EDIL3: variants seen among roughly 807,000 people sequenced by gnomAD.
EDIL3 encodes the protein EGF like and discoidin domains 3.
Under a neutral mutation model 67.4 loss-of-function variants are expected in EDIL3, and 37 were observed. That is an observed-to-expected ratio of 0.55 (90% CI 0.42 to 0.72). The LOEUF is 0.72. Among genes scored for constraint, EDIL3 ranks in the 30% least tolerant of loss-of-function variants. EDIL3 has a pLI of 0.00. For synonymous variants in EDIL3, 195 were observed against 196.3 expected, an observed-to-expected ratio of 0.99 and a Z score of 0.05; for missense variants, 527 against 586.3, an observed-to-expected ratio of 0.90 and a Z score of 1.04.
rs200637689 is a variant in EDIL3 at position 84,137,319 on chromosome 5, C to T, written c.391G>A (p.Gly131Ser). 82 of 1,613,058 alleles carry T rather than the reference C, an allele frequency of 5.1e-5. No homozygotes were observed. The highest frequency in any genetic ancestry group is 8.5e-6 in the Non-Finnish European group (10 of 1,179,724). Residue 131 changes from glycine to serine, a missense_variant, in exon 5 of 11, where the codon GGT becomes AGT. Physicochemically the swap from Gly to Ser is moderately conservative, Grantham distance 56 (BLOSUM62 0). Coordinates refer to ENST00000296591, the MANE Select transcript of EDIL3 (RefSeq NM_005711.5). Reference protein sequence around the residue: ...NECEVEPCKNGGICTDLVANY... With the variant: ...NECEVEPCKNSGICTDLVANY... ...GCAACAAGATCTGTACATATTCCACCATTTTTGCAAGGCTCAACTTCGCAT... is the reference window on the plus strand; with the variant it reads ...GCAACAAGATCTGTACATATTCCACTATTTTTGCAAGGCTCAACTTCGCAT...
intron 3 of EDIL3, among the ~76,000 whole-genome samples, chr5:84,187,313 G>C (rs1743481675): frequency 6.6e-6 from 1 of 151,998 alleles, no homozygotes; most frequent in Admixed American, 6.6e-5. Context: ...TCCAATAGTA[G>C]AGTTAGAGTT....
chr5:84,238,248 CT>C (rs1199298389), intron 2 of EDIL3, among the ~76,000 whole-genome samples: 1 of 151,982 alleles, frequency 6.6e-6, no homozygotes, highest in Non-Finnish European at 1.5e-5. Context: ...TCTGTGAGGT[CT>C]TTTAGTAAAA....
intron 2 of EDIL3, among the ~76,000 whole-genome samples, chr5:84,245,940 T>G (rs1375609450): frequency 2.0e-5 from 3 of 151,874 alleles, no homozygotes; most frequent in Non-Finnish European, 4.4e-5. Context: ...AAAATCTAAG[T>G]TTTTCCTTAA....
chr5:84,181,283 G>A (rs1749007823), intron 3 of EDIL3: 1 of 152,216 alleles, frequency 6.6e-6, no homozygotes, highest in East Asian at 1.9e-4. Context: ...CAGCTGCCAG[G>A]AGTGTGGTTA....
At chr5:84,098,864 G>A (rs1747312386) in intron 6 of EDIL3, among the ~76,000 whole-genome samples, 1 of 152,076 alleles carries the variant, frequency 6.6e-6, no homozygotes, top group Non-Finnish European at 1.5e-5. Flanking sequence ...GGAACCAAGA[G>A]CAAACCATTC....
chr5:84,161,772 A>G (rs894700364), intron 4 of EDIL3, among the ~76,000 whole-genome samples: 2 of 152,124 alleles, frequency 1.3e-5, no homozygotes, highest in Admixed American at 1.3e-4. Flanking sequence ...CTCACCTAAA[A>G]TTCACAGTCT....
intron 4 of EDIL3, among the ~76,000 whole-genome samples, chr5:84,158,260 G>A (rs1748529759): frequency 6.6e-6 from 1 of 151,948 alleles, no homozygotes; most frequent in South Asian, 2.1e-4. Context: ...GTAACCTTAA[G>A]GGTCTTACCA....
At chr5:84,339,929 T>C (rs1201777188) in intron 1 of EDIL3, among the ~76,000 whole-genome samples, 2 of 152,062 alleles carry the variant, frequency 1.3e-5, no homozygotes, top group Non-Finnish European at 2.9e-5. Flanking sequence ...ATAATCACAA[T>C]ATCTGTAAGT....
At chr5:84,150,761 AT>A (rs1261250049) in intron 4 of EDIL3, among the ~76,000 whole-genome samples, 2 of 152,180 alleles carry the variant, frequency 1.3e-5, no homozygotes, top group Non-Finnish European at 2.9e-5. Context: ...TGATTCAGCC[AT>A]TCTACTCCTA....
intron 6 of EDIL3, among the ~76,000 whole-genome samples, chr5:84,078,450 A>G (rs12658576): frequency 0.012 from 1,779 of 152,310 alleles, 58 homozygotes; most frequent in East Asian, 0.094. Context: ...GTAAATTTAA[A>G]AACACACCTT....
chr5:84,151,264 TACACACACACAC>T (rs201338208), intron 4 of EDIL3, among the ~76,000 whole-genome samples: 4 of 129,502 alleles, frequency 3.1e-5, no homozygotes, highest in South Asian at 2.5e-4. Flanking sequence ...CACACGCACA[TACACACACACAC>T]ACACACACAC....
intron 4 of EDIL3, among the ~76,000 whole-genome samples, chr5:84,142,224 C>A (rs927618490): frequency 6.6e-6 from 1 of 151,804 alleles, no homozygotes; most frequent in Non-Finnish European, 1.5e-5. Context: ...CAAAACAATG[C>A]ATTGTCTGGG....
intron 9 of EDIL3, among the ~76,000 whole-genome samples, chr5:83,980,617 G>A (rs992623648): frequency 2.7e-5 from 4 of 150,544 alleles, no homozygotes; most frequent in Non-Finnish European, 5.9e-5. Flanking sequence ...GAACCTGGGA[G>A]GCGGAGGTTA....
Position 84,384,459 on chromosome 5 carries a change from C to T in EDIL3, c.-85G>A. ...CCGAGGTGGCAGCGCAGGGCAGCAGCAGACTCCGCCCCTACTAAAGAATTC... is the reference window on the plus strand; with the variant it reads ...CCGAGGTGGCAGCGCAGGGCAGCAGTAGACTCCGCCCCTACTAAAGAATTC... On this transcript the variant is annotated 5_prime_UTR_variant, in exon 1 of 11. Transcript: ENST00000296591. 1 of 1,309,358 alleles carries T rather than the reference C, an allele frequency of 7.6e-7. No homozygotes were observed. The highest frequency in any genetic ancestry group is 1.2e-5 in the South Asian group (1 of 82,100). The allele number at this position is 1,309,358 out of a possible 1,614,324, so 81.1% of individuals were successfully genotyped here.
At chr5:84,380,400 T>C (rs1470092764) in intron 1 of EDIL3, among the ~76,000 whole-genome samples, 1 of 152,100 alleles carries the variant, frequency 6.6e-6, no homozygotes, top group Non-Finnish European at 1.5e-5. Context: ...TGATTAACTA[T>C]GACAGAAGCC....
chr5:84,015,957 T>A lies in EDIL3; in HGVS notation c.1137+44343A>T, dbSNP rs545785479. 8.5e-5 allele frequency among the ~76,000 whole-genome samples: 13 copies of A among 152,254 alleles called. No individual in the cohort carries two copies. The East Asian group carries it at 2.5e-3, about 29-fold the overall frequency. ...TGTTACACAGGTCAACTTACTGGCA[T>A]GGGGGTCTGTAGTACAGATCCTCTC... On this transcript the variant is annotated intron_variant, in intron 9 of 10. Coordinates refer to ENST00000296591, the MANE Select transcript of EDIL3 (RefSeq NM_005711.5).
rs770685996 is a variant in EDIL3, at chr5:83,941,007, G to A, written c.*2412C>T. ...TAGCATGTTATATTTACTCAATATA[G>A]TGAAGACTAGGTGATTCTTACATGT... On this transcript the variant is annotated 3_prime_UTR_variant, in exon 11 of 11. Coordinates refer to ENST00000296591, the MANE Select transcript of EDIL3 (RefSeq NM_005711.5). 2 of 151,988 alleles carry A rather than the reference G, an allele frequency of 1.3e-5. No homozygotes were observed. Among genetic ancestry groups the A allele is most frequent in the African/African-American group, 2.4e-5 (1 of 41,430 alleles). The allele number at this position is 151,988 out of a possible 1,614,324, so 9.4% of individuals were successfully genotyped here. A position where few individuals can be genotyped will look rare whatever the true frequency, so the allele number is the denominator to read the frequency against.
At position 84,183,348 on chromosome 5, in the gene EDIL3, T is replaced by C. The variant is rs557896147; in HGVS notation, c.227-2827A>G. ...AACTGGGGAGGGGAGAATGAAATGA[T>C]AGTGATGTTAGAGTTTTGACTCATC... is the stretch of plus-strand genomic sequence containing the variant. On this transcript the variant is annotated intron_variant, in intron 3 of 10. Transcript: ENST00000296591. Among the ~76,000 whole-genome samples the C allele has an allele frequency of 3.9e-4, 60 of 152,288 alleles. 1 individual carries two copies. The South Asian group carries it at 0.012, about 32-fold the overall frequency.
intron 9 of EDIL3, among the ~76,000 whole-genome samples, 156 bp from the exon 10 acceptor site, chr5:83,963,516 C>T (rs1159554905): frequency 1.3e-5 from 2 of 151,666 alleles, no homozygotes; most frequent in Non-Finnish European, 2.9e-5. Context: ...CTATTATTGG[C>T]TTATAATTTT....
Sources: gnomAD v4.1 joint callset for allele counts (sites outside exome capture counted in the v4.1 genomes callset) on GRCh38, gnomAD v4.1.1 for gene constraint, MANE v1.5 for transcripts, NCBI Gene and HGNC (gene_info 2026-07-23, HGNC 2026-07-21) for gene names.